The following PTPRD variants were observed in gnomAD, a reference collection of about 807,000 sequenced individuals.
PTPRD encodes protein tyrosine phosphatase receptor type D.
A neutral mutation model predicts 214.5 loss-of-function variants in PTPRD; 34 were observed. The observed-to-expected ratio is 0.16, with a 90% CI of 0.12 to 0.21. The LOEUF is 0.21. PTPRD is among the 10% of genes least tolerant of loss of function. PTPRD has a pLI of 1.00. For synonymous variants in PTPRD, 1,128 were observed against 845.7 expected, an observed-to-expected ratio of 1.33 and a Z score of -5.79; for missense variants, 2,545 against 2,398.7, an observed-to-expected ratio of 1.06 and a Z score of -1.27.
intron 5 of PTPRD, among the ~76,000 whole-genome samples, chr9:9,914,903 G>A (rs959832381): frequency 2.0e-5 from 3 of 152,148 alleles, no homozygotes; most frequent in African/African-American, 7.2e-5. Context: ...CATGCTTCCA[G>A]GCTGGCAGAA....
In PTPRD at chr9:9,990,219, G is replaced by A. The variant is rs185092597; in HGVS notation, c.-472+43499C>T. Among the ~76,000 whole-genome samples, 9 of 152,274 alleles carry A rather than the reference G, an allele frequency of 5.9e-5. No individual in the cohort carries two copies. In the East Asian group the frequency reaches 1.5e-3, roughly 26 times the overall value. On this transcript the variant is annotated intron_variant, in intron 4 of 45. Coordinates refer to ENST00000381196, the MANE Select transcript of PTPRD (RefSeq NM_002839.4). ...TGGGGCAACTGAAGGTGTTGGCCAAGGTCCTCAGGTTTTCCTATGGTATCT... is the reference window on the plus strand; with the variant it reads ...TGGGGCAACTGAAGGTGTTGGCCAAAGTCCTCAGGTTTTCCTATGGTATCT...
Position 8,532,610 on chromosome 9 carries a change from G to C in PTPRD, c.353-3831C>G, listed in dbSNP as rs538945434. On this transcript the variant is annotated intron_variant, in intron 14 of 45. Transcript: ENST00000381196. Reference sequence around the variant, plus strand: ...TCCTATTCATTAATGTGCTCATTAAGCTTTAAAGTGCCTTACTTATCACTG... The same window carrying C: ...TCCTATTCATTAATGTGCTCATTAACCTTTAAAGTGCCTTACTTATCACTG... 5.3e-5 allele frequency among the ~76,000 whole-genome samples: 8 copies of C among 152,130 alleles called. No individual in the cohort carries two copies. The South Asian group carries it at 1.0e-3, about 20-fold the overall frequency.
At chr9:8,967,535 C>A (rs1180471735) in intron 11 of PTPRD, among the ~76,000 whole-genome samples, 1 of 152,000 alleles carries the variant, frequency 6.6e-6, no homozygotes, top group Admixed American at 6.6e-5. Context: ...ATAGATGAAG[C>A]TGGAGGCCAT....
At chr9:8,971,756 T>G (rs7021685) in intron 11 of PTPRD, among the ~76,000 whole-genome samples, 104,746 of 150,872 alleles carry the variant, frequency 0.69, 36,757 homozygotes, top group East Asian at 0.85. Context: ...GCAAGAATTA[T>G]ATATATATTA....
chr9:9,771,226 A>T (rs1333063198), intron 5 of PTPRD, among the ~76,000 whole-genome samples: 2 of 152,206 alleles, frequency 1.3e-5, no homozygotes, highest in Non-Finnish European at 2.9e-5. Context: ...TAATTTCCAG[A>T]GATACACATA....
intron 2 of PTPRD, among the ~76,000 whole-genome samples, chr9:10,539,654 C>T (rs1231949617): frequency 5.3e-5 from 8 of 152,144 alleles, no homozygotes; most frequent in Admixed American, 5.2e-4. Flanking sequence ...TACATAAAAG[C>T]CCTACTCTGT....
At chr9:9,262,547 G>A (rs2099980594) in intron 9 of PTPRD, among the ~76,000 whole-genome samples, 2 of 151,132 alleles carry the variant, frequency 1.3e-5, no homozygotes, top group South Asian at 4.2e-4. Flanking sequence ...TCCAAGATAT[G>A]CCTTTTTATA....
intron 2 of PTPRD, among the ~76,000 whole-genome samples, chr9:10,489,088 C>G (rs967565238): frequency 6.6e-6 from 1 of 152,124 alleles, no homozygotes; most frequent in Admixed American, 6.5e-5. Flanking sequence ...GCCAGCAAGT[C>G]TAAGAGTCTC....
chr9:9,766,770 T>A (rs1005822298), intron 6 of PTPRD, 40 bp downstream of exon 6: 1 of 152,538 alleles, frequency 6.6e-6, no homozygotes, highest in African/African-American at 2.4e-5. Context: ...TTATACTTCA[T>A]TTATGGAGAA....
chr9:10,089,300 T>TA (rs908297151), intron 3 of PTPRD, among the ~76,000 whole-genome samples: 5 of 151,420 alleles, frequency 3.3e-5, no homozygotes, highest in African/African-American at 4.8e-5. Flanking sequence ...CAAGTAAAAA[T>TA]AAAAAATGTT....
intron 7 of PTPRD, among the ~76,000 whole-genome samples, chr9:9,602,686 A>G (rs1326772): frequency 2.0e-5 from 3 of 151,792 alleles, no homozygotes; most frequent in African/African-American, 7.3e-5. Flanking sequence ...TGATGGAGTC[A>G]TATTTCACAT....
At chr9:9,617,627 C>T (rs920520091) in intron 7 of PTPRD, among the ~76,000 whole-genome samples, 72 of 152,130 alleles carry the variant, frequency 4.7e-4, no homozygotes, top group African/African-American at 1.7e-3. Context: ...AAAGAAGTCT[C>T]TTTGGGAATA....
chr9:9,371,240 C>T (rs1260865891), intron 9 of PTPRD, among the ~76,000 whole-genome samples: 1 of 151,972 alleles, frequency 6.6e-6, no homozygotes, highest in African/African-American at 2.4e-5. Flanking sequence ...TCCATCTGGT[C>T]CTGGACTTTT....
At chr9:10,272,496 G>A (rs2094475972) in intron 3 of PTPRD, among the ~76,000 whole-genome samples, 1 of 152,100 alleles carries the variant, frequency 6.6e-6, no homozygotes, top group Non-Finnish European at 1.5e-5. Context: ...TTTGAAAACA[G>A]GATAACTCAC....
intron 8 of PTPRD, among the ~76,000 whole-genome samples, chr9:9,452,329 A>G (rs2092353118): frequency 6.6e-6 from 1 of 151,524 alleles, no homozygotes; most frequent in Non-Finnish European, 1.5e-5. Flanking sequence ...TTTAAAACTG[A>G]GAACAAAGTA....
chr9:9,204,955 C>G (rs1463657585), intron 9 of PTPRD, among the ~76,000 whole-genome samples: 1 of 152,062 alleles, frequency 6.6e-6, no homozygotes, highest in Admixed American at 6.6e-5. Context: ...GTATCTGCGG[C>G]ATTAAAGAAA....
At chr9:9,936,110 A>G (rs1322313498) in intron 5 of PTPRD, among the ~76,000 whole-genome samples, 1 of 146,190 alleles carries the variant, frequency 6.8e-6, no homozygotes, top group Non-Finnish European at 1.5e-5. Context: ...CGTTCGACCT[A>G]AAACCATAAA....
At chr9:9,227,329 C>T (rs752617250) in intron 9 of PTPRD, among the ~76,000 whole-genome samples, 2 of 151,960 alleles carry the variant, frequency 1.3e-5, no homozygotes, top group African/African-American at 2.4e-5. Context: ...GGGAGAAGAC[C>T]GAGATTCTTT....
intron 9 of PTPRD, among the ~76,000 whole-genome samples, chr9:9,354,761 G>A (rs2138518229): frequency 6.6e-6 from 1 of 151,902 alleles, no homozygotes; most frequent in South Asian, 2.1e-4. Flanking sequence ...ATAGCATGAA[G>A]TGGGGTACCA....
Sources: gnomAD v4.1 joint callset for allele counts (sites outside exome capture counted in the v4.1 genomes callset) on GRCh38, gnomAD v4.1.1 for gene constraint, MANE v1.5 for transcripts, NCBI Gene and HGNC (gene_info 2026-07-23, HGNC 2026-07-21) for gene names.